EDA2R: variants seen among roughly 807,000 people sequenced by gnomAD.
EDA2R encodes ectodysplasin A2 receptor.
A neutral mutation model predicts 20.1 loss-of-function variants in EDA2R; 26 were observed. The observed-to-expected ratio is 1.30, with a 90% CI of 0.95 to 1.80. The LOEUF (loss-of-function observed/expected upper bound fraction) is 1.80. Ranked by LOEUF, EDA2R falls within the 40% of genes most tolerant of loss-of-function variation. The pLI, the probability that EDA2R is intolerant of heterozygous loss-of-function variation, is 0.00. For synonymous variants in EDA2R, 114 were observed against 88.7 expected, an observed-to-expected ratio of 1.29 and a Z score of -1.60; for missense variants, 277 against 228.7, an observed-to-expected ratio of 1.21 and a Z score of -1.36.
At chrX:66,598,368 C>T (rs982779056) in intron 6 of EDA2R, among the ~76,000 whole-genome samples, 6 of 111,863 alleles carry the variant, frequency 5.4e-5, no homozygotes, top group African/African-American at 2.0e-4. Context: ...CTCTGCAGGG[C>T]TATCTTAAAG....
In EDA2R at chrX:66,604,996, C is replaced by T. The variant is rs35787390; in HGVS notation, c.266+52G>A. The T allele has an allele frequency of 4.3e-3, 4,598 of 1,081,872 alleles. 157 individuals carry two copies. In the Admixed American group the frequency reaches 0.091, roughly 21 times the overall value. The allele number at this position is 1,081,872 out of a possible 1,213,427, so 89.2% of individuals were successfully genotyped here. A position where few individuals can be genotyped will look rare whatever the true frequency, so the allele number is the denominator to read the frequency against. On this transcript the variant is annotated intron_variant, in intron 3 of 6. Transcript: ENST00000374719. ...TCTGAGAGGTGAGGATGGGAGAAAC[C>T]TCCAACAGCTAGAAAAGCCCAGACA...
chrX:66,628,855 C>T (rs1172290979), intron 1 of EDA2R, among the ~76,000 whole-genome samples: 3 of 111,109 alleles, frequency 2.7e-5, no homozygotes, highest in Non-Finnish European at 5.7e-5. Flanking sequence ...GCCAGCATCA[C>T]CCTAATACCT....
At chrX:66,604,241 T>C (rs1929221099) in intron 4 of EDA2R, among the ~76,000 whole-genome samples, 180 bp downstream of exon 4, 6 of 111,767 alleles carry the variant, frequency 5.4e-5, no homozygotes, top group Admixed American at 4.7e-4. Context: ...TTCAATGAGA[T>C]TGAATGATTT....
Position 66,605,170 on chromosome X carries a change from C to A in EDA2R, c.144G>T (p.Arg48Ser). ...DAYCTACPPR[R>S]YKSSWGHHRC... Reference sequence around the variant, plus strand: ...TGTGGTGGCCCCAGCTGCTTTTGTACCTGCGAGGAGGGCAGGCTGTGCAGT... The same window carrying A: ...TGTGGTGGCCCCAGCTGCTTTTGTAACTGCGAGGAGGGCAGGCTGTGCAGT... The change falls in exon 3 of 7, where the codon AGG (arginine) becomes AGT (serine). Residue 48 changes from arginine (R) to serine (S), a missense_variant. By Grantham distance (110) the Arg-to-Ser change is moderately radical (BLOSUM62 -1). Transcript: ENST00000374719. 8.3e-7 allele frequency: 1 copy of A among 1,210,002 alleles called. No homozygotes were observed. The highest frequency in any genetic ancestry group is 1.1e-6 in the Non-Finnish European group (1 of 894,726).
At chrX:66,637,128 C>G (rs1234833635) in intron 1 of EDA2R, among the ~76,000 whole-genome samples, 1 of 112,104 alleles carries the variant, frequency 8.9e-6, no homozygotes, top group Non-Finnish European at 1.9e-5. Flanking sequence ...TTGCGTTATC[C>G]ACAGAAGTGA....
rs1328137547 is a variant in EDA2R at position 66,596,019 on chromosome X, A to T, written c.*2085T>A. 1 of 108,422 alleles carries T rather than the reference A, an allele frequency of 9.2e-6. No individual in the cohort carries two copies. The highest frequency in any genetic ancestry group is 2.9e-4 in the East Asian group (1 of 3,452). 8.9% of individuals were successfully genotyped at this position (108,422 alleles called of 1,213,427 possible). On this transcript the variant is annotated 3_prime_UTR_variant, in exon 7 of 7. Coordinates refer to ENST00000374719, the MANE Select transcript of EDA2R (RefSeq NM_021783.5). ...CAAGTCAAGGTATATGGAGAGAAAAACAGTAATCCAAAAAAAAAAAAATTC... is the reference window on the plus strand; with the variant it reads ...CAAGTCAAGGTATATGGAGAGAAAATCAGTAATCCAAAAAAAAAAAAATTC...
chrX:66,635,389 G>T (rs999808843), intron 1 of EDA2R, among the ~76,000 whole-genome samples: 1 of 112,274 alleles, frequency 8.9e-6, no homozygotes, highest in Non-Finnish European at 1.9e-5. Flanking sequence ...CCCAAGAAGA[G>T]AATACACGGG....
chrX:66,627,087 C>A (rs1208989853), intron 1 of EDA2R, among the ~76,000 whole-genome samples: 1 of 111,832 alleles, frequency 8.9e-6, no homozygotes, highest in Non-Finnish European at 1.9e-5. Flanking sequence ...TCACCACTAC[C>A]AAACCACCAC....
intron 1 of EDA2R, among the ~76,000 whole-genome samples, chrX:66,629,759 T>C (rs1388743890): frequency 2.7e-5 from 3 of 111,142 alleles, no homozygotes; most frequent in Middle Eastern, 4.2e-3. Context: ...AAAATGACCA[T>C]ACTGCCAAAA....
At chrX:66,629,798 T>G (rs1933536495) in intron 1 of EDA2R, among the ~76,000 whole-genome samples, 1 of 109,757 alleles carries the variant, frequency 9.1e-6, no homozygotes, top group Non-Finnish European at 1.9e-5. Context: ...ACAATTCACA[T>G]CAAAATACCA....
intron 1 of EDA2R, among the ~76,000 whole-genome samples, chrX:66,630,520 C>T (rs759188744): frequency 9.9e-5 from 11 of 110,664 alleles, no homozygotes; most frequent in Non-Finnish European, 1.9e-4. Context: ...CCCACCAAAA[C>T]GTGGGCTAAG....
At position 66,598,025 on chromosome X, in the gene EDA2R, C is replaced by A. The variant is rs1415878074; in HGVS notation, c.*79G>T. ...GTGGACATCACATTTCAGGCCCCTGCTGCTGTTGTGGTATAGGAACAGAGT... is the reference window on the plus strand; with the variant it reads ...GTGGACATCACATTTCAGGCCCCTGATGCTGTTGTGGTATAGGAACAGAGT... On this transcript the variant is annotated 3_prime_UTR_variant, in exon 7 of 7. Transcript: ENST00000374719. 3 of 966,232 alleles carry A rather than the reference C, an allele frequency of 3.1e-6. No homozygotes were observed. The highest frequency in any genetic ancestry group is 4.0e-6 in the Non-Finnish European group (3 of 753,705). 79.6% of individuals were successfully genotyped at this position (966,232 alleles called of 1,213,427 possible).
chrX:66,606,755 C>T (rs747363243), intron 2 of EDA2R, among the ~76,000 whole-genome samples: 3 of 112,375 alleles, frequency 2.7e-5, no homozygotes, highest in Non-Finnish European at 3.8e-5. Context: ...TAGCCTCAGC[C>T]TGTATTCCTA....
At chrX:66,627,679 T>C (rs890829488) in intron 1 of EDA2R, among the ~76,000 whole-genome samples, 2 of 111,767 alleles carry the variant, frequency 1.8e-5, no homozygotes. Flanking sequence ...AACACAATAA[T>C]AGTGGCGAAC....
At position 66,596,646 on chromosome X, in the gene EDA2R, G is replaced by A. The variant is rs1280138587; in HGVS notation, c.*1458C>T. The A allele has an allele frequency of 9.0e-6, 1 of 111,426 alleles. No individual in the cohort carries two copies. The highest frequency in any genetic ancestry group is 3.3e-5 in the African/African-American group (1 of 30,616). The allele number at this position is 111,426 out of a possible 1,213,427, so 9.2% of individuals were successfully genotyped here. On this transcript the variant is annotated 3_prime_UTR_variant, in exon 7 of 7. Coordinates refer to ENST00000374719, the MANE Select transcript of EDA2R (RefSeq NM_021783.5). ...CTTTGAACACCTGCAGCCTGCTGAA[G>A]CCAAATCATCCCCTGTCTGGATATT...
At position 66,599,688 on chromosome X, in the gene EDA2R, T is replaced by C; in HGVS notation, c.690A>G (p.Thr230=). The change falls in exon 6 of 7, where the codon ACA becomes ACG. Residue 230 remains threonine, a synonymous_variant. Transcript: ENST00000374719. ...AGGAGGCCATGGTAAAGGACTCCTG[T>C]GTGGGGAAGCCACTAGTCGAGCTGC... ...DDCSSTSGFP[T]QESFTMASCT... is the part of the protein sequence containing the mutation. 1.7e-6 allele frequency: 2 copies of C among 1,209,283 alleles called. No homozygotes were observed. The highest frequency in any genetic ancestry group is 1.8e-5 in the South Asian group (1 of 56,241).
intron 6 of EDA2R, among the ~76,000 whole-genome samples, 175 bp downstream of exon 6, chrX:66,599,299 C>G (rs769120795): frequency 5.2e-4 from 58 of 112,001 alleles, no homozygotes; most frequent in Non-Finnish European, 8.3e-4. Flanking sequence ...TGATATCTGT[C>G]TGGCTTAAAA....
chrX:66,627,886 C>A (rs755937737), intron 1 of EDA2R, among the ~76,000 whole-genome samples: 1 of 111,826 alleles, frequency 8.9e-6, no homozygotes, highest in East Asian at 2.8e-4. Flanking sequence ...GAATACACAT[C>A]CTATTCAACA....
chrX:66,604,586 C>T, intron 3 of EDA2R, 80 bp from the exon 4 acceptor site: 1 of 949,521 alleles, frequency 1.1e-6, no homozygotes. Context: ...GAAAGCAGCT[C>T]CTAAGAATCT....
Sources: gnomAD v4.1 joint callset for allele counts (sites outside exome capture counted in the v4.1 genomes callset) on GRCh38, gnomAD v4.1.1 for gene constraint, MANE v1.5 for transcripts, NCBI Gene and HGNC (gene_info 2026-07-23, HGNC 2026-07-21) for gene names.